The following ZFPM2 variants were observed in gnomAD, a reference collection of about 807,000 sequenced individuals.
ZFPM2 encodes the protein zinc finger protein, FOG family member 2.
ZFPM2 carries 20 observed loss-of-function variants against 98.6 expected under a neutral mutation model. The ratio of observed to expected loss-of-function variants is 0.20; its 90% CI spans 0.14 to 0.29. The LOEUF (loss-of-function observed/expected upper bound fraction) is 0.29, where lower values mean the gene tolerates loss of function less well. ZFPM2 is among the 10% of genes least tolerant of loss of function. The pLI is 1.00. For synonymous variants in ZFPM2, 518 were observed against 502.7 expected, an observed-to-expected ratio of 1.03 and a Z score of -0.41; for missense variants, 1,310 against 1,388.6, an observed-to-expected ratio of 0.94 and a Z score of 0.90.
intron 3 of ZFPM2, among the ~76,000 whole-genome samples, chr8:105,463,994 T>C (rs1812750431): frequency 6.6e-6 from 1 of 152,210 alleles, no homozygotes; most frequent in African/African-American, 2.4e-5. Flanking sequence ...CCCGCTAGGC[T>C]GTCTTCTCTG....
chr8:105,531,753 T>G (rs1287139876), intron 3 of ZFPM2, among the ~76,000 whole-genome samples: 1 of 152,190 alleles, frequency 6.6e-6, no homozygotes, highest in African/African-American at 2.4e-5. Flanking sequence ...TTTTCCAAAT[T>G]CTTACTAAAG....
intron 2 of ZFPM2, among the ~76,000 whole-genome samples, chr8:105,429,892 T>C (rs1216395733): frequency 2.6e-5 from 4 of 152,230 alleles, no homozygotes; most frequent in Non-Finnish European, 5.9e-5. Flanking sequence ...ACACTGTTAA[T>C]TGTCAAATGT....
rs148608338 is a variant in ZFPM2 at position 105,717,598 on chromosome 8, T to C, written c.533-71120T>C. Among the ~76,000 whole-genome samples the C allele has an allele frequency of 7.3e-5, 11 of 151,570 alleles. No homozygotes were observed. In the East Asian group the frequency reaches 2.1e-3, roughly 30 times the overall value. On this transcript the variant is annotated intron_variant, in intron 5 of 7. Transcript: ENST00000407775. ...TTGTTAAATTAAGCAGAAAGATGTTTGTTGTTCTTGGGCTTTGGTAATACA... is the reference window on the plus strand; with the variant it reads ...TTGTTAAATTAAGCAGAAAGATGTTCGTTGTTCTTGGGCTTTGGTAATACA...
chr8:105,485,885 C>CT (rs1278109493), intron 3 of ZFPM2, among the ~76,000 whole-genome samples: 2 of 152,096 alleles, frequency 1.3e-5, no homozygotes, highest in East Asian at 1.9e-4. Context: ...ATTTAAGCTT[C>CT]TTTTTTGTAA....
intron 3 of ZFPM2, 89 bp from the exon 4 acceptor site, chr8:105,561,274 T>C (rs1258390335): frequency 1.1e-6 from 1 of 937,336 alleles, no homozygotes; most frequent in African/African-American, 1.7e-5. Flanking sequence ...CCTGAGAATA[T>C]CATGTGTGTA....
intron 5 of ZFPM2, among the ~76,000 whole-genome samples, chr8:105,764,325 CAT>C (rs1554579474): frequency 1.4e-5 from 2 of 143,716 alleles, no homozygotes; most frequent in African/African-American, 2.7e-5. Context: ...CACACACACA[CAT>C]ATTTGGAAAT....
At chr8:105,635,419 T>A (rs986774985) in intron 5 of ZFPM2, among the ~76,000 whole-genome samples, 2 of 152,032 alleles carry the variant, frequency 1.3e-5, no homozygotes, top group African/African-American at 4.8e-5. Context: ...ACCATAAGCC[T>A]TTGAAAGTTG....
At chr8:105,512,678 A>T (rs1813840790) in intron 3 of ZFPM2, among the ~76,000 whole-genome samples, 1 of 152,188 alleles carries the variant, frequency 6.6e-6, no homozygotes, top group African/African-American at 2.4e-5. Flanking sequence ...TAAAAATTTC[A>T]ATGATTTAAT....
At chr8:105,577,332 A>G (rs1452896194) in intron 4 of ZFPM2, among the ~76,000 whole-genome samples, 1 of 152,152 alleles carries the variant, frequency 6.6e-6, no homozygotes, top group African/African-American at 2.4e-5. Flanking sequence ...AGGCACACAC[A>G]CATACATGCA....
intron 5 of ZFPM2, among the ~76,000 whole-genome samples, chr8:105,679,537 G>A (rs951826068): frequency 7.9e-5 from 12 of 152,088 alleles, no homozygotes; most frequent in Non-Finnish European, 1.5e-4. Flanking sequence ...TCATGGAAAC[G>A]TACTGGGTGA....
intron 4 of ZFPM2, among the ~76,000 whole-genome samples, chr8:105,573,152 T>C (rs970015497): frequency 5.3e-5 from 8 of 152,122 alleles, no homozygotes; most frequent in African/African-American, 1.4e-4. Flanking sequence ...CTTGGCCTAG[T>C]GGGCCTCTAC....
chr8:105,704,625 T>A (rs1811215328), intron 5 of ZFPM2, among the ~76,000 whole-genome samples: 2 of 152,194 alleles, frequency 1.3e-5, no homozygotes, highest in African/African-American at 2.4e-5. Context: ...AAGTAGCGGG[T>A]GTGTTGCATT....
At chr8:105,720,040 T>G (rs2130993457) in intron 5 of ZFPM2, among the ~76,000 whole-genome samples, 1 of 151,976 alleles carries the variant, frequency 6.6e-6, no homozygotes, top group African/African-American at 2.4e-5. Context: ...CAGAAAAAAC[T>G]TCCCAATTTA....
intron 1 of ZFPM2, chr8:105,415,060 AAG>A (rs1191435815): frequency 1.3e-5 from 2 of 152,080 alleles, no homozygotes; most frequent in African/African-American, 4.8e-5. Context: ...CCAGAGTGCA[AAG>A]GTAGCTGTGG....
chr8:105,545,635 T>G (rs528240150), intron 3 of ZFPM2, among the ~76,000 whole-genome samples: 1 of 152,316 alleles, frequency 6.6e-6, no homozygotes, highest in South Asian at 2.1e-4. Flanking sequence ...TAATTGCTCC[T>G]CCTAAGTTTG....
intron 5 of ZFPM2, among the ~76,000 whole-genome samples, chr8:105,653,854 C>CTTTTTTTT (rs60218363): frequency 0.012 from 421 of 35,290 alleles, 98 homozygotes; most frequent in Middle Eastern, 0.038. Context: ...TGTGTGCTAT[C>CTTTTTTTT]TTTTTTTTTT....
intron 3 of ZFPM2, among the ~76,000 whole-genome samples, chr8:105,524,221 T>C (rs570061636): frequency 6.6e-6 from 1 of 152,314 alleles, no homozygotes; most frequent in African/African-American, 2.4e-5. Flanking sequence ...AAAAGTATAA[T>C]CTTTTCTGGA....
At chr8:105,526,100 CTGT>C (rs1309719468) in intron 3 of ZFPM2, among the ~76,000 whole-genome samples, 1 of 152,142 alleles carries the variant, frequency 6.6e-6, no homozygotes, top group Non-Finnish European at 1.5e-5. Context: ...GGTGGCAACG[CTGT>C]TGTTTTCAAC....
intron 1 of ZFPM2, among the ~76,000 whole-genome samples, chr8:105,324,216 G>T (rs1034221775): frequency 6.6e-6 from 1 of 151,684 alleles, no homozygotes; most frequent in African/African-American, 2.4e-5. Context: ...CTTTGTTTGG[G>T]GGTAATCTGG....
Sources: allele counts gnomAD v4.1 joint callset (sites outside exome capture counted in the v4.1 genomes callset), GRCh38; gene constraint gnomAD v4.1.1; transcripts MANE v1.5; gene names NCBI Gene and HGNC (gene_info 2026-07-23, HGNC 2026-07-21).